The following THSD7B variants were observed in gnomAD, a reference collection of about 807,000 sequenced individuals.
THSD7B encodes the protein thrombospondin type-1 domain-containing protein 7B.
Under a neutral mutation model 213.6 loss-of-function variants are expected in THSD7B, and 138 were observed. The ratio of observed to expected loss-of-function variants is 0.65; its 90% CI spans 0.56 to 0.74. The LOEUF is 0.74. Among genes scored for constraint, THSD7B ranks in the 30% least tolerant of loss-of-function variants. The pLI is 0.00. For synonymous variants in THSD7B, 742 were observed against 687.0 expected (o/e 1.08, Z -1.25); for missense variants, 1,931 against 1,991.5 (o/e 0.97, Z 0.58).
intron 2 of THSD7B, among the ~76,000 whole-genome samples, chr2:136,997,510 C>T (rs1053551693): frequency 6.6e-6 from 1 of 152,108 alleles, no homozygotes; most frequent in African/African-American, 2.4e-5. Flanking sequence ...TTTAGGTTAC[C>T]TTCCTCTGTT....
At position 136,947,808 on chromosome 2, in the gene THSD7B, C is replaced by T. The variant is rs542519330; in HGVS notation, c.139+65491C>T. 4.6e-5 allele frequency among the ~76,000 whole-genome samples: 7 copies of T among 151,262 alleles called. No homozygotes were observed. In the South Asian group the frequency reaches 8.3e-4, roughly 18 times the overall value. ...TTGCCTCTGCATTTAATGATTGATACATTTTTCTCTGGTCTCTGGTTAAGA... is the reference window on the plus strand; with the variant it reads ...TTGCCTCTGCATTTAATGATTGATATATTTTTCTCTGGTCTCTGGTTAAGA... On this transcript the variant is annotated intron_variant, in intron 2 of 27. Coordinates refer to ENST00000409968, the MANE Select transcript of THSD7B (RefSeq NM_001316349.2).
chr2:137,255,541 C>T (rs181862454), intron 10 of THSD7B, among the ~76,000 whole-genome samples: 114 of 152,184 alleles, frequency 7.5e-4, no homozygotes, highest in Admixed American at 5.1e-3. Flanking sequence ...TGTCTGGTGC[C>T]GTGCGACTTG....
intron 7 of THSD7B, among the ~76,000 whole-genome samples, chr2:137,206,890 A>T (rs1228373687): frequency 1.3e-5 from 2 of 152,074 alleles, no homozygotes; most frequent in Admixed American, 1.3e-4. Context: ...TGAAAGAAAT[A>T]AAAGCAATTA....
intron 2 of THSD7B, among the ~76,000 whole-genome samples, chr2:137,033,294 GT>G (rs1686709290): frequency 6.6e-6 from 1 of 152,168 alleles, no homozygotes; most frequent in African/African-American, 2.4e-5. Context: ...GTTGTAAGTG[GT>G]GTGACTCCTC....
intron 17 of THSD7B, among the ~76,000 whole-genome samples, chr2:137,610,998 A>G (rs890500829): frequency 7.3e-6 from 1 of 136,348 alleles, no homozygotes; most frequent in Non-Finnish European, 1.6e-5. Flanking sequence ...TATAATAATA[A>G]TAATAATAAA....
At chr2:137,459,655 A>G (rs533611474) in intron 15 of THSD7B, among the ~76,000 whole-genome samples, 2 of 151,810 alleles carry the variant, frequency 1.3e-5, no homozygotes, top group African/African-American at 4.8e-5. Context: ...ACAGAGTGAG[A>G]CTCTGTCTTT....
At chr2:137,102,543 C>A (rs959960563) in intron 4 of THSD7B, among the ~76,000 whole-genome samples, 3 of 152,122 alleles carry the variant, frequency 2.0e-5, no homozygotes, top group Non-Finnish European at 4.4e-5. Context: ...ATGAGTTTGA[C>A]GAATTGACAG....
chr2:137,632,012 G>A (rs1292086376), intron 20 of THSD7B, among the ~76,000 whole-genome samples: 2 of 152,116 alleles, frequency 1.3e-5, no homozygotes, highest in Admixed American at 6.6e-5. Flanking sequence ...TAATTTTACC[G>A]ATGTAATGAT....
chr2:136,996,232 T>C (rs1320653575), intron 2 of THSD7B, among the ~76,000 whole-genome samples: 1 of 152,182 alleles, frequency 6.6e-6, no homozygotes, highest in Non-Finnish European at 1.5e-5. Context: ...CACAACTTAA[T>C]AACTAATTGG....
At chr2:137,476,217 T>G (rs1688188378) in intron 15 of THSD7B, among the ~76,000 whole-genome samples, 1 of 152,174 alleles carries the variant, frequency 6.6e-6, no homozygotes, top group Non-Finnish European at 1.5e-5. Flanking sequence ...GATATTATTA[T>G]AGCATCCTGT....
At chr2:136,915,592 A>G (rs1215774824) in intron 2 of THSD7B, among the ~76,000 whole-genome samples, 2 of 152,184 alleles carry the variant, frequency 1.3e-5, no homozygotes, top group African/African-American at 2.4e-5. Context: ...AATACTTTTT[A>G]TCAATTGTTT....
chr2:137,129,843 C>T (rs556076329), intron 5 of THSD7B, among the ~76,000 whole-genome samples: 11 of 152,212 alleles, frequency 7.2e-5, no homozygotes, highest in Non-Finnish European at 1.0e-4. Flanking sequence ...TGTTGGGTGG[C>T]GGGGTCCTAA....
intron 10 of THSD7B, among the ~76,000 whole-genome samples, chr2:137,252,911 C>CTT (rs754932566): frequency 0.021 from 1,676 of 80,644 alleles, 61 homozygotes; most frequent in East Asian, 0.074. Context: ...AAAAGGCTTG[C>CTT]TTTTTTTTTT....
intron 2 of THSD7B, among the ~76,000 whole-genome samples, chr2:136,961,856 T>G (rs900181079): frequency 2.0e-5 from 3 of 152,180 alleles, no homozygotes; most frequent in Non-Finnish European, 2.9e-5. Context: ...GAATATAAAA[T>G]GATTTCTTAG....
intron 15 of THSD7B, among the ~76,000 whole-genome samples, chr2:137,452,301 T>A (rs1687667623): frequency 1.3e-5 from 2 of 151,902 alleles, no homozygotes; most frequent in South Asian, 4.2e-4. Context: ...AATGTAAAAG[T>A]TGGAAAAAAA....
At chr2:137,240,789 A>G (rs1681882346) in intron 9 of THSD7B, among the ~76,000 whole-genome samples, 1 of 152,162 alleles carries the variant, frequency 6.6e-6, no homozygotes, top group Admixed American at 6.5e-5. Flanking sequence ...CGTTGGGATT[A>G]CTAGTTTCTC....
chr2:136,818,978 T>C (rs1468818764), intron 1 of THSD7B, among the ~76,000 whole-genome samples: 1 of 152,234 alleles, frequency 6.6e-6, no homozygotes, highest in Non-Finnish European at 1.5e-5. Flanking sequence ...AAAGCAGATT[T>C]AATGAACATG....
At chr2:137,005,201 C>A (rs1374579055) in intron 2 of THSD7B, among the ~76,000 whole-genome samples, 1 of 152,164 alleles carries the variant, frequency 6.6e-6, no homozygotes, top group African/African-American at 2.4e-5. Flanking sequence ...GATTTCAGTG[C>A]TCAGCCAACT....
At chr2:137,559,741 G>T (rs1163442804) in intron 15 of THSD7B, among the ~76,000 whole-genome samples, 2 of 152,190 alleles carry the variant, frequency 1.3e-5, no homozygotes, top group African/African-American at 4.8e-5. Flanking sequence ...AAGAGCTTCT[G>T]CACAGCAAAA....
Sources: allele counts gnomAD v4.1 joint callset (sites outside exome capture counted in the v4.1 genomes callset), GRCh38; gene constraint gnomAD v4.1.1; transcripts MANE v1.5; gene names NCBI Gene and HGNC (gene_info 2026-07-23, HGNC 2026-07-21).